PODXL: variants seen among roughly 807,000 people sequenced by gnomAD.
PODXL encodes the protein podocalyxin.
PODXL carries 20 observed loss-of-function variants against 48.9 expected under a neutral mutation model. The observed-to-expected ratio is 0.41, with a 90% confidence interval of 0.29 to 0.59. The LOEUF (loss-of-function observed/expected upper bound fraction) is 0.59, where lower values mean the gene tolerates loss of function less well. Among genes scored for constraint, PODXL ranks in the 20% least tolerant of loss-of-function variants. The pLI is 0.31. For missense variants in PODXL, 606 were observed against 675.1 expected (o/e 0.90, Z 1.13); for synonymous variants, 295 against 287.4 (o/e 1.03, Z -0.27).
At chr7:131,549,148 AGT>A (rs981254673) in intron 1 of PODXL, among the ~76,000 whole-genome samples, 44 of 152,080 alleles carry the variant, frequency 2.9e-4, no homozygotes, top group Admixed American at 1.3e-4. Context: ...GGAGGAAAAG[AGT>A]GTGCTGGGGG....
At chr7:131,526,214 A>C (rs1410739409) in intron 1 of PODXL, among the ~76,000 whole-genome samples, 2 of 152,210 alleles carry the variant, frequency 1.3e-5, no homozygotes, top group African/African-American at 2.4e-5. Flanking sequence ...TGCTAAAAAA[A>C]ATAAAAATGA....
At position 131,556,341 on chromosome 7, in the gene PODXL, G is replaced by C. The variant is rs769434514; in HGVS notation, c.19C>G (p.Leu7Val). MRCALA[L>V]SALLLLLSTP... ...GACAACAGTAGCAGCAGCGCCGAGAGCGCCAGCGCGCAGCGCATCGTGTCG... is the reference window on the plus strand; with the variant it reads ...GACAACAGTAGCAGCAGCGCCGAGACCGCCAGCGCGCAGCGCATCGTGTCG... The change falls in exon 1 of 9, where the codon CTC (leucine) becomes GTC (valine). Residue 7 changes from leucine (L) to valine (V), a missense_variant. Transcript: ENST00000378555. The C allele has an allele frequency of 6.9e-7, 1 of 1,459,336 alleles. No homozygotes were observed. Among genetic ancestry groups the C allele is most frequent in the South Asian group, 1.4e-5 (1 of 70,788 alleles). 90.4% of individuals were successfully genotyped at this position (1,459,336 alleles called of 1,614,324 possible).
At chr7:131,518,521 C>T (rs989340258) in intron 1 of PODXL, among the ~76,000 whole-genome samples, 1 of 152,246 alleles carries the variant, frequency 6.6e-6, no homozygotes, top group South Asian at 2.1e-4. Context: ...TTTAAGGATG[C>T]TGTCCGTAAG....
intron 1 of PODXL, among the ~76,000 whole-genome samples, chr7:131,539,918 G>A (rs1317144878): frequency 3.3e-5 from 5 of 152,194 alleles, no homozygotes; most frequent in Non-Finnish European, 7.3e-5. Flanking sequence ...CCTCATGACT[G>A]TAAACTTAAT....
chr7:131,504,317 G>A lies in PODXL; in HGVS notation c.1671C>T (p.His557=). 6.2e-7 allele frequency: 1 copy of A among 1,613,946 alleles called. No homozygotes were observed. The highest frequency in any genetic ancestry group is 8.5e-7 in the Non-Finnish European group (1 of 1,179,830). The change falls in exon 9 of 9, where the codon CAC becomes CAT. Residue 557 remains histidine, a synonymous_variant. Transcript: ENST00000378555. The stretch of plus-strand genomic sequence containing the variant: ...AGGCCACCGGCAGACCGGACTAGAG[G>A]TGTGTGTCTTCCTCCTCATCCAGGT... ...KDDLDEEEDT[H]L
chr7:131,546,820 G>A (rs1306849835), intron 1 of PODXL, among the ~76,000 whole-genome samples: 1 of 151,852 alleles, frequency 6.6e-6, no homozygotes, highest in Middle Eastern at 3.2e-3. Flanking sequence ...GGAGCACCAG[G>A]CAGGAATAGG....
At chr7:131,524,408 A>AGAGAGAGAG (rs367857912) in intron 1 of PODXL, among the ~76,000 whole-genome samples, 11 of 149,582 alleles carry the variant, frequency 7.4e-5, no homozygotes, top group Admixed American at 1.3e-4. Flanking sequence ...AGAGAGAGAG[A>AGAGAGAGAG]AAACAACAAG....
At chr7:131,513,428 C>A (rs895835091) in intron 1 of PODXL, among the ~76,000 whole-genome samples, 2 of 152,206 alleles carry the variant, frequency 1.3e-5, no homozygotes, top group Non-Finnish European at 2.9e-5. Context: ...GGGCTGATGG[C>A]TGCATCCCGT....
At chr7:131,520,359 G>T in intron 1 of PODXL, 2 of 501,240 alleles carry the variant, frequency 4.0e-6, no homozygotes, top group Admixed American at 4.4e-5. Context: ...TGGGCCAAAG[G>T]AATAAAGAAT....
chr7:131,525,554 C>T (rs980974509), intron 1 of PODXL, among the ~76,000 whole-genome samples: 9 of 149,430 alleles, frequency 6.0e-5, no homozygotes, highest in Admixed American at 1.3e-4. Context: ...GAGCTGAGAT[C>T]GTGCCATTGC....
chr7:131,506,407 C>G (rs1797803587), intron 6 of PODXL, 86 bp from the exon 7 acceptor site: 2 of 1,479,060 alleles, frequency 1.4e-6, no homozygotes, highest in South Asian at 2.3e-5. Flanking sequence ...GAGGGACGCA[C>G]CGTATCTCAG....
chr7:131,510,971 C>A lies in PODXL; in HGVS notation c.563G>T (p.Ser188Ile), dbSNP rs1179144264. The A allele has an allele frequency of 6.2e-7, 1 of 1,614,088 alleles. No individual in the cohort carries two copies. Residue 188 changes from serine to isoleucine, a missense_variant, in exon 2 of 9, where the codon AGC (serine) becomes ATC (isoleucine). Ser to Ile is a moderately radical substitution (Grantham distance 142). Transcript: ENST00000378555. Reference protein sequence around the residue: ...LTTPHPTSPLSPRQPTSTHPV... With the variant: ...LTTPHPTSPLIPRQPTSTHPV... ...ATGCGTCGAAGTGGGTTGTCGGGGG[C>A]TAAGTGGACTTGTAGGGTGAGGGGT...
intron 1 of PODXL, among the ~76,000 whole-genome samples, chr7:131,526,983 C>T (rs998342678): frequency 6.6e-6 from 1 of 152,090 alleles, no homozygotes; most frequent in African/African-American, 2.4e-5. Flanking sequence ...AAGTGATCCA[C>T]CCATCTTGGC....
intron 2 of PODXL, 32 bp downstream of exon 2, chr7:131,510,796 T>C (rs747285788): frequency 6.2e-7 from 1 of 1,613,764 alleles, no homozygotes; most frequent in South Asian, 1.1e-5. Context: ...GAAAAGTTTC[T>C]TGGTGCTTGA....
intron 3 of PODXL, 101 bp from the exon 4 acceptor site, chr7:131,509,686 C>T: frequency 1.3e-6 from 1 of 779,018 alleles, no homozygotes; most frequent in Non-Finnish European, 2.0e-6. Flanking sequence ...GTTCTTTGGT[C>T]TTACCTCCCA....
intron 1 of PODXL, among the ~76,000 whole-genome samples, chr7:131,528,660 G>T (rs1416226686): frequency 6.6e-6 from 1 of 152,224 alleles, no homozygotes; most frequent in Non-Finnish European, 1.5e-5. Context: ...ATGGCATCAT[G>T]AATTTAAAGT....
intron 1 of PODXL, among the ~76,000 whole-genome samples, chr7:131,539,823 A>T (rs1798445680): frequency 2.0e-5 from 3 of 152,118 alleles, no homozygotes; most frequent in Non-Finnish European, 2.9e-5. Flanking sequence ...ACCACGGGGT[A>T]GAGGGGTGGA....
At chr7:131,519,650 T>C (rs1450072073) in intron 1 of PODXL, among the ~76,000 whole-genome samples, 1 of 151,664 alleles carries the variant, frequency 6.6e-6, no homozygotes, top group South Asian at 2.1e-4. Context: ...GGTACAAAAA[T>C]AGTAATAGTT....
intron 1 of PODXL, among the ~76,000 whole-genome samples, chr7:131,546,344 A>C (rs949599963): frequency 6.6e-5 from 10 of 152,188 alleles, no homozygotes; most frequent in African/African-American, 2.4e-4. Flanking sequence ...AGGTAGAAAG[A>C]GAGCCAAGAG....
Sources: gnomAD v4.1 joint callset for allele counts (sites outside exome capture counted in the v4.1 genomes callset) on GRCh38, gnomAD v4.1.1 for gene constraint, MANE v1.5 for transcripts, NCBI Gene and HGNC (gene_info 2026-07-23, HGNC 2026-07-21) for gene names.